Variants in ZBTB4 observed in about 807,000 individuals in gnomAD.
ZBTB4 encodes zinc finger and BTB domain-containing protein 4.
Under a neutral mutation model 59.8 loss-of-function variants are expected in ZBTB4, and 14 were observed. The ratio of observed to expected loss-of-function variants is 0.23; its 90% CI spans 0.15 to 0.37. ZBTB4 has a LOEUF of 0.37. ZBTB4 is among the 10% of genes least tolerant of loss of function. The pLI is 1.00. For missense variants in ZBTB4, 1,198 were observed against 1,380.8 expected, an observed-to-expected ratio of 0.87 and a Z score of 2.10; for synonymous variants, 587 against 575.2, an observed-to-expected ratio of 1.02 and a Z score of -0.29.
rs1010533666 is a variant in ZBTB4 at position 7,461,885 on chromosome 17, G to C, written c.*55C>G. On this transcript the variant is annotated 3_prime_UTR_variant, in exon 4 of 4. Transcript: ENST00000380599. Reference sequence around the variant, plus strand: ...GCAGGGAGGCCAGGGAGCTGGTAGTGGTGGGGGGTTCAGGGAGGGTGGCAT... The same window carrying C: ...GCAGGGAGGCCAGGGAGCTGGTAGTCGTGGGGGGTTCAGGGAGGGTGGCAT... The C allele has an allele frequency of 1.4e-6, 2 of 1,455,250 alleles. No individual in the cohort carries two copies. The highest frequency in any genetic ancestry group is 2.3e-5 in the Admixed American group (1 of 43,856). 90.1% of individuals were successfully genotyped at this position (1,455,250 alleles called of 1,614,324 possible).
At chr17:7,482,122 T>G (rs1567694355), upstream of ZBTB4, 3 of 1,614,158 alleles carry the variant, frequency 1.9e-6, no homozygotes, top group Non-Finnish European at 2.5e-6. Context: ...CCCTGCTGGG[T>G]GGGGGCCTGC....
At chr17:7,470,864 C>T (rs998467062) in intron 1 of ZBTB4, among the ~76,000 whole-genome samples, 2 of 152,154 alleles carry the variant, frequency 1.3e-5, no homozygotes, top group African/African-American at 4.8e-5. Context: ...GTGTTTATGG[C>T]ACCCACTAGG....
Position 7,462,809 on chromosome 17 carries a change from T to G in ZBTB4, c.2173A>C (p.Arg725=). The G allele has an allele frequency of 6.2e-7, 1 of 1,602,722 alleles. No homozygotes were observed. Among genetic ancestry groups the G allele is most frequent in the East Asian group, 2.2e-5 (1 of 44,864 alleles). ...TGGGCACAGTCCCCGCATCGGTGCC[T>G]CCGCTCTGTGCGGGCACGTCCCGCT... ...SPAGRARTER[R]HRCGDCAQTF... Residue 725 remains arginine, a synonymous_variant, in exon 4 of 4, where the codon AGG becomes CGG. Coordinates refer to ENST00000380599, the MANE Select transcript of ZBTB4 (RefSeq NM_001128833.2). This position sits in a 1 kb window ranked among gnomAD's most constrained non-coding sequence, Gnocchi z 7.5.
chr17:7,476,547 A>T (rs2070271454), intron 1 of ZBTB4, among the ~76,000 whole-genome samples: 1 of 152,064 alleles, frequency 6.6e-6, no homozygotes. Context: ...CCACACCTTC[A>T]TGCCTTTGCC....
intron 1 of ZBTB4, among the ~76,000 whole-genome samples, chr17:7,478,510 C>CCTTTTGGAGGGGGCGGTTGTGG (rs2070300322): frequency 6.6e-6 from 1 of 152,130 alleles, no homozygotes; most frequent in African/African-American, 2.4e-5. Flanking sequence ...CCAGACGTGA[C>CCTTTTGGAGGGGGCGGTTGTGG]GCCTTCTGAC....
chr17:7,475,987 C>A (rs2070264094), intron 1 of ZBTB4, among the ~76,000 whole-genome samples: 1 of 152,180 alleles, frequency 6.6e-6, no homozygotes, highest in Non-Finnish European at 1.5e-5. Flanking sequence ...CTGACTCCAC[C>A]CTTTCCCTCA....
chr17:7,473,704 A>G (rs2070230994), intron 1 of ZBTB4, among the ~76,000 whole-genome samples: 1 of 151,904 alleles, frequency 6.6e-6, no homozygotes, highest in Non-Finnish European at 1.5e-5. Context: ...ACCTGCCACC[A>G]TGCCCAGATA....
intron 1 of ZBTB4, among the ~76,000 whole-genome samples, chr17:7,476,067 T>TC (rs2070265216): frequency 6.6e-6 from 1 of 152,180 alleles, no homozygotes; most frequent in Non-Finnish European, 1.5e-5. Flanking sequence ...CTGGAAATCT[T>TC]CCCTTCGATA....
intron 3 of ZBTB4, among the ~76,000 whole-genome samples, chr17:7,465,463 CA>C (rs71157289): frequency 0.25 from 20,910 of 82,878 alleles, 1,415 homozygotes; most frequent in East Asian, 0.31. Flanking sequence ...GGCTCTGTCT[CA>C]AAAAAAAAAA....
chr17:7,480,214 C>T (rs2070326810), upstream of ZBTB4, among the ~76,000 whole-genome samples: 1 of 152,176 alleles, frequency 6.6e-6, no homozygotes. Flanking sequence ...TCCCCACCAG[C>T]AGATAGATCC....
intron 1 of ZBTB4, among the ~76,000 whole-genome samples, chr17:7,477,819 G>A (rs1228348235): frequency 1.3e-5 from 2 of 152,070 alleles, no homozygotes; most frequent in African/African-American, 2.4e-5. Flanking sequence ...ACATAAACAT[G>A]GCCAAGGAGC....
intron 1 of ZBTB4, among the ~76,000 whole-genome samples, chr17:7,473,854 T>C (rs2070233086): frequency 6.6e-6 from 1 of 152,118 alleles, no homozygotes; most frequent in Admixed American, 6.6e-5. Context: ...CCAGCTCCTA[T>C]TTCTTATTTA....
Position 7,466,501 on chromosome 17 carries a change from C to T in ZBTB4, c.301G>A (p.Ala101Thr). 1 of 1,607,150 alleles carries T rather than the reference C, an allele frequency of 6.2e-7. No individual in the cohort carries two copies. The highest frequency in any genetic ancestry group is 8.5e-7 in the Non-Finnish European group (1 of 1,176,688). Residue 101 changes from alanine (A) to threonine (T), a missense_variant, in exon 3 of 4, where the codon GCT (alanine) becomes ACT (threonine). Physicochemically the swap from Ala to Thr is moderately conservative, Grantham distance 58. Coordinates refer to ENST00000380599, the MANE Select transcript of ZBTB4 (RefSeq NM_001128833.2). The surrounding 1 kb of genome is among the most constrained non-coding windows in gnomAD (Gnocchi z 9.1). The part of the protein sequence containing the change: ...SSSSSSSSSS[A>T]SSSSSSSSSS... ...GAGGAAGAGGAAGAAGAAGAAGAAG[C>T]AGAGGAGGAAGAAGAGGAAGAAGAC...
upstream of ZBTB4, chr17:7,482,966 C>T (rs377148669): frequency 2.5e-6 from 4 of 1,611,970 alleles, no homozygotes; most frequent in Admixed American, 1.7e-5. Context: ...AGCCTGGAAC[C>T]TCAGCTGTGA....
At chr17:7,474,559 G>C (rs2070243774) in intron 1 of ZBTB4, among the ~76,000 whole-genome samples, 1 of 152,090 alleles carries the variant, frequency 6.6e-6, no homozygotes, top group Non-Finnish European at 1.5e-5. Flanking sequence ...TGCCGTATCT[G>C]AAGTCGTTAG....
chr17:7,464,121 G>A (rs1022652352), intron 3 of ZBTB4, among the ~76,000 whole-genome samples: 3 of 152,170 alleles, frequency 2.0e-5, no homozygotes, highest in Non-Finnish European at 4.4e-5. Flanking sequence ...CCTAACTCAC[G>A]GAGCCTTCTT....
chr17:7,462,895 G>T lies in ZBTB4; in HGVS notation c.2087C>A (p.Pro696Gln). 1 of 1,608,264 alleles carries T rather than the reference G, an allele frequency of 6.2e-7. No individual in the cohort carries two copies. The highest frequency in any genetic ancestry group is 8.5e-7 in the Non-Finnish European group (1 of 1,179,864). Residue 696 changes from proline (P) to glutamine (Q), a missense_variant, in exon 4 of 4, where the codon CCA becomes CAA. By Grantham distance (76) the Pro-to-Gln change is moderately conservative. Around this residue, in one of 9 missense-constraint regions of ZBTB4, gnomAD observed 550 missense variants for 541.8 expected, o/e 1.02. Coordinates refer to ENST00000380599, the MANE Select transcript of ZBTB4 (RefSeq NM_001128833.2). This position sits in a 1 kb window ranked among gnomAD's most constrained non-coding sequence, Gnocchi z 7.5. ...CCGTTCCAGCTTCTGCCTCCAACGT[G>T]GTGGCCGGCGGCCTCGGGGCAGCCC... ...GSGLPRGRRP[P>Q]RWRQKLERRS...
chr17:7,469,739 C>A (rs2150858616), intron 1 of ZBTB4, among the ~76,000 whole-genome samples: 1 of 148,350 alleles, frequency 6.7e-6, no homozygotes, highest in South Asian at 2.1e-4. Context: ...GGAGATCAAT[C>A]CAGGCTGGGT....
chr17:7,482,913 T>C (rs1212096915), upstream of ZBTB4: 1 of 1,611,932 alleles, frequency 6.2e-7, no homozygotes, highest in Admixed American at 1.7e-5. Context: ...CCTTCTGACA[T>C]CGTGGGGGCA....
Sources: allele counts gnomAD v4.1 joint callset (sites outside exome capture counted in the v4.1 genomes callset), GRCh38; gene constraint gnomAD v4.1.1; regional missense constraint gnomAD v4.1.1; non-coding constraint Gnocchi (gnomAD v3.1); transcripts MANE v1.5; gene names NCBI Gene and HGNC (gene_info 2026-07-23, HGNC 2026-07-21).